Variants in CHRM2 observed in about 807,000 individuals in gnomAD.
CHRM2 encodes the protein muscarinic acetylcholine receptor M2.
Under a neutral mutation model 25.0 loss-of-function variants are expected in CHRM2, and 8 were observed. The observed-to-expected ratio is 0.32, with a 90% CI of 0.19 to 0.58. The LOEUF (loss-of-function observed/expected upper bound fraction) is 0.58, where lower values mean the gene tolerates loss of function less well. CHRM2 is among the 20% of genes least tolerant of loss of function. The probability of loss-of-function intolerance (pLI) is 0.88; values close to 1 mark genes in which losing one functional copy is unlikely to be tolerated. For missense variants in CHRM2, 440 were observed against 567.1 expected (o/e 0.78, Z 2.28); for synonymous variants, 202 against 205.7 (o/e 0.98, Z 0.15).
At chr7:136,926,601 G>A (rs1366401624) in intron 2 of CHRM2, among the ~76,000 whole-genome samples, 1 of 152,216 alleles carries the variant, frequency 6.6e-6, no homozygotes, top group African/African-American at 2.4e-5. Context: ...AACTGAGGCA[G>A]TGGAGTTCAA....
chr7:136,999,602 G>A lies in CHRM2; in HGVS notation c.-47+7338G>A, dbSNP rs542237571. On this transcript the variant is annotated intron_variant, in intron 3 of 3. Coordinates refer to ENST00000680005, the MANE Select transcript of CHRM2 (RefSeq NM_001006630.2). ...ATGATGTTCCCCTTCCTGTGTCCAT[G>A]TGTTCTCATTGTTCAATTCCCACCT... is the stretch of plus-strand genomic sequence containing the variant. Among the ~76,000 whole-genome samples, 4 of 147,690 alleles carry A rather than the reference G, an allele frequency of 2.7e-5. No individual in the cohort carries two copies. The Admixed American group carries it at 2.8e-4, about 10-fold the overall frequency.
chr7:136,946,459 A>G (rs536511739), intron 2 of CHRM2, among the ~76,000 whole-genome samples: 2 of 152,272 alleles, frequency 1.3e-5, no homozygotes, highest in East Asian at 3.9e-4. Flanking sequence ...TGCTATTGCT[A>G]TATTTCAGAA....
intron 3 of CHRM2, among the ~76,000 whole-genome samples, chr7:136,999,910 A>G (rs1803871424): frequency 6.6e-6 from 1 of 151,528 alleles, no homozygotes; most frequent in Admixed American, 6.6e-5. Context: ...ATGTAAGAGG[A>G]TGTGACTTCA....
chr7:137,015,355 T>C lies in CHRM2; in HGVS notation c.490T>C (p.Phe164Leu). 1 of 1,613,510 alleles carries C rather than the reference T, an allele frequency of 6.2e-7. No homozygotes were observed. Among genetic ancestry groups the C allele is most frequent in the Non-Finnish European group, 8.5e-7 (1 of 1,179,644 alleles). ...LWAPAILFWQ[F>L]IVGVRTVEDG... Reference sequence around the variant, plus strand: ...GGCTCCAGCCATTCTCTTCTGGCAGTTCATTGTAGGGGTGAGAACTGTGGA... The same window carrying C: ...GGCTCCAGCCATTCTCTTCTGGCAGCTCATTGTAGGGGTGAGAACTGTGGA... The change falls in exon 4 of 4, where the codon TTC (phenylalanine) becomes CTC (leucine). Residue 164 changes from phenylalanine (F) to leucine (L), a missense_variant. By Grantham distance (22) the Phe-to-Leu change is conservative (BLOSUM62 0). Coordinates refer to ENST00000680005, the MANE Select transcript of CHRM2 (RefSeq NM_001006630.2). This position sits in a 1 kb window ranked among gnomAD's most constrained non-coding sequence, Gnocchi z 5.1.
intron 2 of CHRM2, among the ~76,000 whole-genome samples, chr7:136,971,539 C>T (rs1801767769): frequency 6.6e-6 from 1 of 150,652 alleles, no homozygotes; most frequent in African/African-American, 2.4e-5. Flanking sequence ...ATGGCTTGAA[C>T]CCAGGAGGCG....
chr7:136,905,827 T>C (rs2130650431), intron 2 of CHRM2, among the ~76,000 whole-genome samples: 1 of 151,752 alleles, frequency 6.6e-6, no homozygotes, highest in East Asian at 1.9e-4. Flanking sequence ...TCTCAAAATA[T>C]TGATTGCGAG....
intron 2 of CHRM2, among the ~76,000 whole-genome samples, chr7:136,932,257 A>T (rs879472021): frequency 6.6e-6 from 1 of 152,232 alleles, no homozygotes; most frequent in Non-Finnish European, 1.5e-5. Flanking sequence ...CTGACTAAGG[A>T]GGAAACAAAA....
At chr7:136,948,769 C>T (rs1315096677) in intron 2 of CHRM2, among the ~76,000 whole-genome samples, 1 of 152,054 alleles carries the variant, frequency 6.6e-6, no homozygotes, top group Non-Finnish European at 1.5e-5. Flanking sequence ...AAGCAGTCTC[C>T]TGTTGATAAA....
chr7:136,874,652 G>A (rs1393766478), intron 2 of CHRM2, among the ~76,000 whole-genome samples: 1 of 146,034 alleles, frequency 6.8e-6, no homozygotes, highest in African/African-American at 2.5e-5. Flanking sequence ...AAGCACATTG[G>A]ATTGGATAGG....
In CHRM2 at chr7:136,901,136, C is replaced by T. The variant is rs139038349; in HGVS notation, c.-125+31718C>T. Among the ~76,000 whole-genome samples the T allele has an allele frequency of 2.0e-3, 297 of 152,042 alleles. 1 individual carries two copies. Among genetic ancestry groups the T allele is most frequent in the African/African-American group, 6.7e-3 (277 of 41,500 alleles). On this transcript the variant is annotated intron_variant, in intron 2 of 3. Transcript: ENST00000680005. ...AGCCAGTAGATTGTCCTGTACAGCC[C>T]GGGGAGTGTGGGCACCCCCAAAGTG...
intron 2 of CHRM2, among the ~76,000 whole-genome samples, chr7:136,982,122 G>A (rs776081712): frequency 2.0e-5 from 3 of 152,084 alleles, no homozygotes; most frequent in African/African-American, 7.2e-5. Context: ...TTGAATCCTG[G>A]TGCTCCTGTA....
chr7:136,882,545 C>T (rs1796307218), intron 2 of CHRM2, among the ~76,000 whole-genome samples: 1 of 152,050 alleles, frequency 6.6e-6, no homozygotes, highest in Non-Finnish European at 1.5e-5. Context: ...TGCTAGTAGT[C>T]TGCTAAGAGT....
chr7:136,916,631 A>G (rs55816133), intron 2 of CHRM2, among the ~76,000 whole-genome samples: 33,568 of 150,492 alleles, frequency 0.22, 4,859 homozygotes, highest in Non-Finnish European at 0.32. Context: ...TTATCCTTGA[A>G]TTTGTTTATT....
chr7:137,011,645 A>G (rs1284721344), intron 3 of CHRM2, among the ~76,000 whole-genome samples: 7 of 152,016 alleles, frequency 4.6e-5, no homozygotes, highest in Non-Finnish European at 1.0e-4. Context: ...GACACATCCG[A>G]ATTAATATTT....
intron 2 of CHRM2, among the ~76,000 whole-genome samples, chr7:136,889,312 T>C (rs932968615): frequency 6.6e-6 from 1 of 152,088 alleles, no homozygotes; most frequent in Non-Finnish European, 1.5e-5. Context: ...GTAAGGGTCA[T>C]TTGACTTTGA....
chr7:136,939,226 T>C (rs973933629), intron 2 of CHRM2, among the ~76,000 whole-genome samples: 6 of 152,196 alleles, frequency 3.9e-5, no homozygotes, highest in Admixed American at 3.9e-4. Context: ...AGAAGTAGTT[T>C]TGTTTTGATT....
At chr7:136,880,955 AGGT>A (rs747389048) in intron 2 of CHRM2, among the ~76,000 whole-genome samples, 52 of 151,710 alleles carry the variant, frequency 3.4e-4, no homozygotes, top group Non-Finnish European at 5.9e-4. Flanking sequence ...TAGTTTCATG[AGGT>A]ATATTATTCT....
At chr7:136,938,618 G>T in intron 2 of CHRM2, 1 of 868,852 alleles carries the variant, frequency 1.2e-6, no homozygotes, top group Non-Finnish European at 2.0e-6. Context: ...GTCCACTCGG[G>T]AGAAGCTCGA....
chr7:136,943,563 G>A (rs1340813540), intron 2 of CHRM2, among the ~76,000 whole-genome samples: 2 of 152,068 alleles, frequency 1.3e-5, no homozygotes, highest in Admixed American at 6.6e-5. Context: ...GCTTGTAACG[G>A]TCGCCAAGCT....
Sources: gnomAD v4.1 joint callset for allele counts (sites outside exome capture counted in the v4.1 genomes callset) on GRCh38, gnomAD v4.1.1 for gene constraint, Gnocchi (gnomAD v3.1) non-coding constraint, MANE v1.5 for transcripts, NCBI Gene and HGNC (gene_info 2026-07-23, HGNC 2026-07-21) for gene names.